RYR3: variants seen among roughly 807,000 people sequenced by gnomAD.
RYR3 encodes ryanodine receptor 3, also known as brain ryanodine receptor-calcium release channel.
RYR3 carries 207 observed loss-of-function variants against 584.3 expected under a neutral mutation model. The ratio of observed to expected loss-of-function variants is 0.35; its 90% confidence interval spans 0.32 to 0.40. The LOEUF (loss-of-function observed/expected upper bound fraction) is 0.40, where lower values mean the gene tolerates loss of function less well. Ranked by LOEUF, RYR3 falls within the 10% of genes least tolerant of loss-of-function variation. The probability of loss-of-function intolerance (pLI) is 1.00; values close to 1 mark genes in which losing one functional copy is unlikely to be tolerated. For missense variants in RYR3, 5,616 were observed against 6,089.2 expected, an observed-to-expected ratio of 0.92 and a Z score of 2.59; for synonymous variants, 2,416 against 2,248.5, an observed-to-expected ratio of 1.07 and a Z score of -2.11.
At chr15:33,530,524 T>C in intron 3 of RYR3, 68 bp from the exon 4 acceptor site, 1 of 1,049,208 alleles carries the variant, frequency 9.5e-7, no homozygotes, top group Non-Finnish European at 1.5e-6. Flanking sequence ...CCAGAATTAT[T>C]GTGTTGCTTG....
intron 64 of RYR3, among the ~76,000 whole-genome samples, chr15:33,775,599 A>AT (rs1455867075): frequency 6.6e-6 from 1 of 152,184 alleles, no homozygotes; most frequent in Non-Finnish European, 1.5e-5. Context: ...ATGTAACTGT[A>AT]TTCCCTACTT....
chr15:33,502,308 A>T (rs1457281083), intron 2 of RYR3, among the ~76,000 whole-genome samples: 2 of 152,218 alleles, frequency 1.3e-5, no homozygotes, highest in African/African-American at 4.8e-5. Flanking sequence ...TTTTTATTTT[A>T]AAACTAAATG....
intron 102 of RYR3, among the ~76,000 whole-genome samples, chr15:33,861,870 C>G (rs1888361849): frequency 6.6e-6 from 1 of 152,076 alleles, no homozygotes. Context: ...GGTGATCTGC[C>G]TGCCTCGGCC....
chr15:33,430,593 G>C (rs941652223), intron 1 of RYR3, among the ~76,000 whole-genome samples: 4 of 152,178 alleles, frequency 2.6e-5, no homozygotes, highest in African/African-American at 9.7e-5. Flanking sequence ...CCCCTTATCT[G>C]AGGTCTACGG....
At chr15:33,583,355 TAATA>T (rs1285968727) in intron 14 of RYR3, among the ~76,000 whole-genome samples, 3 of 152,248 alleles carry the variant, frequency 2.0e-5, no homozygotes, top group Admixed American at 2.0e-4. Flanking sequence ...CGCTGAAGAT[TAATA>T]AATCTGTAGC....
intron 61 of RYR3, 54 bp downstream of exon 61, chr15:33,768,761 G>A (rs2073319105): frequency 2.6e-6 from 4 of 1,554,780 alleles, no homozygotes; most frequent in Admixed American, 3.3e-5. Context: ...TCTTGAACTT[G>A]CACTTTGCCT....
rs769101674 is a variant in RYR3 at position 33,857,886 on chromosome 15, C to G, written c.14114C>G (p.Pro4705Arg). 8 of 1,614,008 alleles carry G rather than the reference C, an allele frequency of 5.0e-6. No homozygotes were observed. Among genetic ancestry groups the G allele is most frequent in the Non-Finnish European group, 6.8e-6 (8 of 1,180,054 alleles). Residue 4705 changes from proline to arginine, a missense_variant, in exon 99 of 104, where the codon CCC becomes CGC. Transcript: ENST00000634891. ...AACAAAAGCGAAGACGATGACGAGC[C>G]CGATATGAAGTGCGACGACATGATG... ...FYNKSEDDDE[P>R]DMKCDDMMTC...
chr15:33,616,503 C>T (rs2060459772), intron 19 of RYR3, among the ~76,000 whole-genome samples: 1 of 152,168 alleles, frequency 6.6e-6, no homozygotes, highest in Admixed American at 6.5e-5. Context: ...GATCATGCAG[C>T]CTTCTGAGTG....
chr15:33,436,373 A>G (rs2045727171), intron 1 of RYR3, among the ~76,000 whole-genome samples: 1 of 151,968 alleles, frequency 6.6e-6, no homozygotes, highest in Non-Finnish European at 1.5e-5. Context: ...TTGGGTTACT[A>G]TCTTTTCCAA....
rs745366223 is a variant in RYR3 at position 33,848,247 on chromosome 15, A to G, written c.13498-44A>G. On this transcript the variant is annotated intron_variant, in intron 93 of 103. Coordinates refer to ENST00000634891, the MANE Select transcript of RYR3 (RefSeq NM_001036.6). ...CAAATACCTGGGAGCAGGAGCTTTA[A>G]TCACAAAGCCTGCTCTGAGTAACCA... 17 of 1,609,458 alleles carry G rather than the reference A, an allele frequency of 1.1e-5. No individual in the cohort carries two copies. In the South Asian group the frequency reaches 1.8e-4, roughly 17 times the overall value.
intron 16 of RYR3, among the ~76,000 whole-genome samples, chr15:33,592,070 G>A (rs2059156159): frequency 6.6e-6 from 1 of 152,192 alleles, no homozygotes. Context: ...TGGTATCAGT[G>A]ATGAGAATGA....
chr15:33,608,006 G>C (rs1886813741), intron 18 of RYR3, among the ~76,000 whole-genome samples: 1 of 152,210 alleles, frequency 6.6e-6, no homozygotes, highest in Non-Finnish European at 1.5e-5. Flanking sequence ...GACAGAGCCA[G>C]AACTAGAGCC....
chr15:33,516,277 T>C (rs1345503781), intron 3 of RYR3, among the ~76,000 whole-genome samples: 1 of 151,660 alleles, frequency 6.6e-6, no homozygotes, highest in African/African-American at 2.4e-5. Context: ...CCCCCCGAAA[T>C]GATCCTGTTT....
chr15:33,548,430 G>A (rs2056416123), intron 9 of RYR3, among the ~76,000 whole-genome samples: 1 of 152,212 alleles, frequency 6.6e-6, no homozygotes, highest in Admixed American at 6.5e-5. Flanking sequence ...TTCTGCCCTT[G>A]CAGTAGCTGA....
At chr15:33,668,913 A>G (rs150602292) in intron 36 of RYR3, among the ~76,000 whole-genome samples, 23 of 152,350 alleles carry the variant, frequency 1.5e-4, no homozygotes, top group African/African-American at 5.3e-4. Context: ...TTAATTTTAC[A>G]TAAATTATAA....
intron 3 of RYR3, among the ~76,000 whole-genome samples, chr15:33,518,147 C>G (rs1281350693): frequency 1.3e-5 from 2 of 152,196 alleles, no homozygotes; most frequent in African/African-American, 4.8e-5. Context: ...GGCACTTCCT[C>G]TCACTGTGGG....
At chr15:33,676,477 G>A (rs189139596) in intron 38 of RYR3, among the ~76,000 whole-genome samples, 1 of 152,342 alleles carries the variant, frequency 6.6e-6, no homozygotes, top group East Asian at 1.9e-4. Flanking sequence ...GTTAGAGGTA[G>A]GGTTGCCATA....
rs575972497 is a variant in RYR3 at position 33,857,049 on chromosome 15, A to C, written c.14008-731A>C. Among the ~76,000 whole-genome samples, 3 of 152,238 alleles carry C rather than the reference A, an allele frequency of 2.0e-5. No homozygotes were observed. In the East Asian group the frequency reaches 5.8e-4, roughly 29 times the overall value. On this transcript the variant is annotated intron_variant, in intron 98 of 103. Transcript: ENST00000634891. ...TCTGTATGAACAATAACAAAACACA[A>C]TGTATCCCTCCTCACAGCACCTGCA... is the stretch of plus-strand genomic sequence containing the variant.
chr15:33,809,366 T>C (rs957789424), intron 70 of RYR3, among the ~76,000 whole-genome samples: 5 of 152,196 alleles, frequency 3.3e-5, no homozygotes, highest in African/African-American at 7.2e-5. Context: ...CTGACTTGAT[T>C]CTGGCTACCC....
Sources: allele counts gnomAD v4.1 joint callset (sites outside exome capture counted in the v4.1 genomes callset), GRCh38; gene constraint gnomAD v4.1.1; transcripts MANE v1.5; gene names NCBI Gene and HGNC (gene_info 2026-07-23, HGNC 2026-07-21).